Variants in PKD1L3 observed in about 807,000 individuals in gnomAD.
The protein encoded by PKD1L3 is polycystin 1 like 3, transient receptor potential channel interacting, also known as polycystin-1-like protein 3.
PKD1L3 carries 239 observed loss-of-function variants against 184.1 expected under a neutral mutation model. That is an observed-to-expected ratio of 1.30 (90% CI 1.17 to 1.45). The LOEUF (loss-of-function observed/expected upper bound fraction) is 1.45. PKD1L3 is among the 40% of genes most tolerant of loss of function. PKD1L3 has a pLI of 0.00. For missense variants in PKD1L3, 2,660 were observed against 2,067.2 expected, an observed-to-expected ratio of 1.29 and a Z score of -5.56; for synonymous variants, 996 against 778.8, an observed-to-expected ratio of 1.28 and a Z score of -4.64.
intron 21 of PKD1L3, among the ~76,000 whole-genome samples, chr16:71,949,346 C>CTTTTT (rs543483265): frequency 8.1e-6 from 1 of 122,808 alleles, no homozygotes; most frequent in African/African-American, 3.0e-5. Flanking sequence ...TGTCAGTTTG[C>CTTTTT]TTTTTTTTTT....
Position 71,986,329 on chromosome 16 carries a change from C to T in PKD1L3, c.726G>A (p.Thr242=), listed in dbSNP as rs1247884145. The part of the protein sequence containing the change: ...ITQLTMPVSV[T]HAGQSLAETT... ...TTTCTGCCAGAGATTGCCCAGCATGCGTGACAGACACGGGCATGGTGAGCT... is the reference window on the plus strand; with the variant it reads ...TTTCTGCCAGAGATTGCCCAGCATGTGTGACAGACACGGGCATGGTGAGCT... The change falls in exon 5 of 30, where the codon ACG becomes ACA. Residue 242 remains threonine, a synonymous_variant. Transcript: ENST00000620267. 15 of 1,552,094 alleles carry T rather than the reference C, an allele frequency of 9.7e-6. No homozygotes were observed. Among genetic ancestry groups the T allele is most frequent in the East Asian group, 4.9e-5 (2 of 40,934 alleles).
chr16:71,955,717 G>C (rs1436048220), intron 16 of PKD1L3, among the ~76,000 whole-genome samples: 1 of 152,048 alleles, frequency 6.6e-6, no homozygotes, highest in Non-Finnish European at 1.5e-5. Flanking sequence ...GTCATGGGAG[G>C]AACCAGGTGG....
intron 22 of PKD1L3, among the ~76,000 whole-genome samples, chr16:71,945,500 A>G (rs535905081): frequency 2.5e-4 from 37 of 150,738 alleles, no homozygotes; most frequent in African/African-American, 8.8e-4. Context: ...CCAATATGGG[A>G]AAAACTTGTC....
chr16:71,933,447 G>T lies in PKD1L3; in HGVS notation c.4899C>A (p.Leu1633=), dbSNP rs1184203866. The part of the protein sequence containing the change: ...FFSSAVTVVG[L]LMGISHQEEV... ...CCTCTTGGTGAGAAATTCCCATCAG[G>T]AGACCAACAACAGTCACTGCTGAGC... The change falls in exon 28 of 30, where the codon CTC becomes CTA. Residue 1633 remains leucine (L), a synonymous_variant. Transcript: ENST00000620267. 2 of 1,549,984 alleles carry T rather than the reference G, an allele frequency of 1.3e-6. No homozygotes were observed. The highest frequency in any genetic ancestry group is 1.7e-6 in the Non-Finnish European group (2 of 1,145,430).
chr16:71,931,824 T>C (rs2037982955), intron 28 of PKD1L3, among the ~76,000 whole-genome samples: 1 of 152,190 alleles, frequency 6.6e-6, no homozygotes, highest in South Asian at 2.1e-4. Context: ...ATCTCTCTTA[T>C]ACTTGAAATA....
intron 16 of PKD1L3, among the ~76,000 whole-genome samples, chr16:71,960,437 GAACA>G (rs2039233212): frequency 6.6e-6 from 1 of 151,364 alleles, no homozygotes; most frequent in Non-Finnish European, 1.5e-5. Context: ...AAAAAGATAA[GAACA>G]AACAATAGAA....
intron 4 of PKD1L3, among the ~76,000 whole-genome samples, chr16:71,989,721 A>T (rs188558350): frequency 2.9e-3 from 436 of 152,326 alleles, no homozygotes; most frequent in Admixed American, 8.5e-3. Context: ...GCAGGGAATA[A>T]ATACCCAACC....
rs1219850455 is a variant in PKD1L3, at chr16:71,970,094, C to T, written c.1965G>A (p.Gln655=). The part of the protein sequence containing the change: ...WSSAGCQVGP[Q]STILRTQCLC... Reference sequence around the variant, plus strand: ...GACACTGTGTCCTCAGAATTGTGCTCTGTGGCCCAACCTGGAATTAGAATC... The same window carrying T: ...GACACTGTGTCCTCAGAATTGTGCTTTGTGGCCCAACCTGGAATTAGAATC... The change falls in exon 13 of 30, where the codon CAG becomes CAA. Residue 655 remains glutamine (Q), a synonymous_variant. Transcript: ENST00000620267. 7 of 1,551,444 alleles carry T rather than the reference C, an allele frequency of 4.5e-6. No individual in the cohort carries two copies. The East Asian group carries it at 9.8e-5, about 22-fold the overall frequency.
intron 4 of PKD1L3, among the ~76,000 whole-genome samples, chr16:71,988,547 G>A (rs1360206884): frequency 2.6e-5 from 4 of 152,118 alleles, no homozygotes; most frequent in South Asian, 2.1e-4. Flanking sequence ...TGTGGTGATC[G>A]TGGTGACCAT....
Position 71,993,320 on chromosome 16 carries a change from T to A in PKD1L3, c.431A>T (p.Asp144Val). The A allele has an allele frequency of 1.3e-6, 2 of 1,545,580 alleles. No individual in the cohort carries two copies. Among genetic ancestry groups the A allele is most frequent in the Non-Finnish European group, 1.7e-6 (2 of 1,144,248 alleles). ...ATTTCTTTCATAATGGGCATCTCCG[T>A]CCAAAAAGTCACCTATTTGAAAGCC... is the stretch of plus-strand genomic sequence containing the variant. ...YFICQTGDFLDGDAHYERNGN... is the reference protein window; with the variant it reads ...YFICQTGDFLVGDAHYERNGN... The change falls in exon 3 of 30, where the codon GAC (aspartate) becomes GTC (valine). Residue 144 changes from aspartate to valine, a missense_variant. Transcript: ENST00000620267.
At chr16:71,994,107 G>A (rs919576970) in intron 2 of PKD1L3, among the ~76,000 whole-genome samples, 3 of 152,220 alleles carry the variant, frequency 2.0e-5, no homozygotes, top group South Asian at 2.1e-4. Context: ...TTGCATACAC[G>A]AGCAAGAGTT....
At chr16:71,963,408 A>T (rs1441523712) in intron 15 of PKD1L3, 57 bp from the exon 16 acceptor site, 1 of 1,450,780 alleles carries the variant, frequency 6.9e-7, no homozygotes, top group African/African-American at 1.4e-5. Flanking sequence ...AGTTGTCTGT[A>T]GTAAGACGTA....
intron 4 of PKD1L3, 66 bp from the exon 5 acceptor site, chr16:71,986,535 C>G (rs2040373536): frequency 6.8e-7 from 1 of 1,465,766 alleles, no homozygotes; most frequent in African/African-American, 1.4e-5. Context: ...ATTAAGGCAG[C>G]ATTTCCCCAA....
At chr16:71,954,458 T>C (rs1037105051) in intron 16 of PKD1L3, among the ~76,000 whole-genome samples, 157 bp from the exon 17 acceptor site, 4 of 152,254 alleles carry the variant, frequency 2.6e-5, no homozygotes, top group Non-Finnish European at 5.9e-5. Flanking sequence ...ATTCTTTTTT[T>C]ATTTTAAATT....
Position 71,942,989 on chromosome 16 carries a change from T to C in PKD1L3, c.3895A>G (p.Ile1299Val), listed in dbSNP as rs968680835. The change falls in exon 24 of 30, where the codon ATC (isoleucine) becomes GTC (valine). Residue 1299 changes from isoleucine to valine, a missense_variant. Transcript: ENST00000620267. Reference protein sequence around the residue: ...ILFLTLLMTAIYSAKNSNRFY... With the variant: ...ILFLTLLMTAVYSAKNSNRFY... ...CTATTGGAGTTCTTTGCAGAGTAGA[T>C]TGCAGTCATCAACAGGGTAAGGAAG... 2.6e-6 allele frequency: 4 copies of C among 1,551,350 alleles called. No homozygotes were observed. The highest frequency in any genetic ancestry group is 2.7e-5 in the African/African-American group (2 of 73,002).
At chr16:71,931,181 A>G (rs1325345473) in intron 28 of PKD1L3, 1 of 152,012 alleles carries the variant, frequency 6.6e-6, no homozygotes, top group Non-Finnish European at 1.5e-5. Context: ...TTATCCCCAA[A>G]AGGAGGTGTC....
intron 16 of PKD1L3, among the ~76,000 whole-genome samples, chr16:71,955,266 ATG>A (rs936304004): frequency 6.6e-6 from 1 of 151,270 alleles, no homozygotes; most frequent in Non-Finnish European, 1.5e-5. Flanking sequence ...AAGGGATGGT[ATG>A]TGTGTGTGTG....
At chr16:71,997,789 AC>A (rs1206901450) in intron 2 of PKD1L3, among the ~76,000 whole-genome samples, 1 of 151,664 alleles carries the variant, frequency 6.6e-6, no homozygotes, top group East Asian at 1.9e-4. Flanking sequence ...ATAAATAAAT[AC>A]AACAACTACA....
Position 71,930,139 on chromosome 16 carries a change from G to GTC in PKD1L3, c.4970_4971insGA (p.Ser1658ThrfsTer5). The GTC allele has an allele frequency of 6.4e-7, 1 of 1,551,544 alleles. No homozygotes were observed. The highest frequency in any genetic ancestry group is 8.7e-7 in the Non-Finnish European group (1 of 1,146,814). On this transcript the variant is annotated frameshift_variant, in exon 29 of 30. Transcript: ENST00000620267. LOFTEE classifies it high-confidence loss of function. ...CCACAAGTACCATCAAGATGACACT[G>GTC]GTGAGGATCAGAAAGGTGCCCAGGA...
Sources: allele counts gnomAD v4.1 joint callset (sites outside exome capture counted in the v4.1 genomes callset), GRCh38; gene constraint gnomAD v4.1.1; transcripts MANE v1.5; gene names NCBI Gene and HGNC (gene_info 2026-07-23, HGNC 2026-07-21).